Variants in POU2AF2 observed in about 807,000 individuals in gnomAD.
POU2AF2 encodes POU class 2 homeobox associating factor 2.
chr11:111,250,859 C>T, the POU2AF2 span, among the ~76,000 whole-genome samples: 1 of 152,116 alleles, frequency 6.6e-6, no homozygotes, highest in Non-Finnish European at 1.5e-5. Context: ...AGTCTTAAGG[C>T]AGAAGTATTC....
chr11:111,250,756 C>T, the POU2AF2 span, among the ~76,000 whole-genome samples: 4 of 152,286 alleles, frequency 2.6e-5, no homozygotes, highest in African/African-American at 9.6e-5. Flanking sequence ...GAGAAGATGA[C>T]ATTTGAGCCA....
chr11:111,286,320 G>C, the POU2AF2 span: 19 of 346,634 alleles, frequency 5.5e-5, no homozygotes, highest in Admixed American at 4.5e-4. Context: ...AACCCATTAC[G>C]TTCTGAATCT....
At chr11:111,251,734 G>A in the POU2AF2 span, among the ~76,000 whole-genome samples, 1 of 152,084 alleles carries the variant, frequency 6.6e-6, no homozygotes, top group Admixed American at 6.5e-5. Context: ...CCCCTCCCCT[G>A]CTCTTTCACA....
chr11:111,262,065 C>T, the POU2AF2 span, among the ~76,000 whole-genome samples: 1 of 152,140 alleles, frequency 6.6e-6, no homozygotes, highest in Non-Finnish European at 1.5e-5. Flanking sequence ...TCTTTCTGTA[C>T]ATTATCCTAA....
the POU2AF2 span, among the ~76,000 whole-genome samples, chr11:111,278,347 C>T: frequency 3.3e-5 from 5 of 152,254 alleles, no homozygotes; most frequent in South Asian, 1.0e-3. Context: ...AGATATTTTG[C>T]CTGGAGAAGT....
the POU2AF2 span, among the ~76,000 whole-genome samples, chr11:111,273,325 T>G: frequency 6.6e-6 from 1 of 152,262 alleles, no homozygotes; most frequent in South Asian, 2.1e-4. Flanking sequence ...ATTCCAAAGT[T>G]GGAGGAAAAC....
At chr11:111,264,474 T>C in the POU2AF2 span, among the ~76,000 whole-genome samples, 3 of 138,100 alleles carry the variant, frequency 2.2e-5, no homozygotes, top group Admixed American at 2.4e-4. Flanking sequence ...GCAGACTGGG[T>C]GACAGAGCAA....
chr11:111,267,088 G>T, the POU2AF2 span, among the ~76,000 whole-genome samples: 1,450 of 152,260 alleles, frequency 9.5e-3, 30 homozygotes, highest in African/African-American at 0.033. Flanking sequence ...AAGAGATGAT[G>T]CCACACCCAG....
At chr11:111,285,962 G>A in the POU2AF2 span, 3 of 1,614,064 alleles carry the variant, frequency 1.9e-6, no homozygotes, top group Non-Finnish European at 2.5e-6. Flanking sequence ...AGATGAGGAA[G>A]CAGACACCGG....
the POU2AF2 span, among the ~76,000 whole-genome samples, chr11:111,265,261 C>G: frequency 6.6e-6 from 1 of 152,184 alleles, no homozygotes; most frequent in African/African-American, 2.4e-5. Flanking sequence ...CCAGACACTC[C>G]CCTCTGCTCC....
the POU2AF2 span, chr11:111,255,897 C>A: frequency 2.5e-6 from 1 of 398,090 alleles, no homozygotes; most frequent in Non-Finnish European, 4.4e-6. Flanking sequence ...AATGACATCA[C>A]AATGATCAGC....
At chr11:111,258,946 G>A in the POU2AF2 span, among the ~76,000 whole-genome samples, 2 of 152,120 alleles carry the variant, frequency 1.3e-5, 1 homozygote, top group Admixed American at 1.3e-4. Flanking sequence ...TGGAGAAAGT[G>A]GATACAAGAA....
the POU2AF2 span, among the ~76,000 whole-genome samples, chr11:111,274,264 C>A: frequency 2.6e-5 from 4 of 152,038 alleles, no homozygotes; most frequent in Middle Eastern, 3.2e-3. Context: ...TCTGTGATAC[C>A]AACTGAAGAG....
the POU2AF2 span, among the ~76,000 whole-genome samples, chr11:111,260,545 G>A: frequency 6.6e-6 from 1 of 152,258 alleles, no homozygotes; most frequent in South Asian, 2.1e-4. Context: ...ACACACCGGG[G>A]AGAAGATACA....
the POU2AF2 span, among the ~76,000 whole-genome samples, chr11:111,268,489 TTTA>T: frequency 0.063 from 3,076 of 48,650 alleles, 275 homozygotes; most frequent in Middle Eastern, 0.23. Flanking sequence ...TTTATTTTAT[TTTA>T]TTTTATTTTA....
At chr11:111,270,893 G>A in the POU2AF2 span, among the ~76,000 whole-genome samples, 2 of 152,092 alleles carry the variant, frequency 1.3e-5, no homozygotes, top group African/African-American at 4.8e-5. Context: ...CCCTACTGAG[G>A]GCCATCAGAC....
At chr11:111,282,879 C>CT in the POU2AF2 span, among the ~76,000 whole-genome samples, 1 of 152,176 alleles carries the variant, frequency 6.6e-6, no homozygotes, top group Non-Finnish European at 1.5e-5. Flanking sequence ...GACCTCAAGT[C>CT]TATGCCCTCA....
the POU2AF2 span, among the ~76,000 whole-genome samples, chr11:111,246,268 G>C: frequency 2.0e-5 from 3 of 152,172 alleles, no homozygotes; most frequent in Non-Finnish European, 4.4e-5. Flanking sequence ...CATTCATATA[G>C]AACCTGAAAC....
At chr11:111,284,193 T>C in the POU2AF2 span, 4 of 1,614,076 alleles carry the variant, frequency 2.5e-6, no homozygotes, top group Non-Finnish European at 3.4e-6. Flanking sequence ...GGGAAGCCGT[T>C]TCCCTGTGAG....
Sources: gnomAD v4.1 joint callset for allele counts (sites outside exome capture counted in the v4.1 genomes callset) on GRCh38, gnomAD v4.1.1 for gene constraint, MANE v1.5 for transcripts, NCBI Gene and HGNC (gene_info 2026-07-23, HGNC 2026-07-21) for gene names.